Variants in DLGAP2 observed in about 807,000 individuals in gnomAD.
The protein encoded by DLGAP2 is disks large-associated protein 2.
DLGAP2 carries 26 observed loss-of-function variants against 100.3 expected under a neutral mutation model. The ratio of observed to expected loss-of-function variants is 0.26; its 90% confidence interval spans 0.19 to 0.36. The LOEUF is 0.36. Ranked by LOEUF, DLGAP2 falls within the 10% of genes least tolerant of loss-of-function variation. DLGAP2 has a pLI of 1.00. For missense variants in DLGAP2, 1,858 were observed against 1,453.2 expected (o/e 1.28, Z -4.53); for synonymous variants, 886 against 630.1 (o/e 1.41, Z -6.08).
chr8:1,416,801 C>T (rs943088134), intron 3 of DLGAP2, among the ~76,000 whole-genome samples: 2 of 152,178 alleles, frequency 1.3e-5, no homozygotes, highest in Admixed American at 6.5e-5. Context: ...TCGCGAGCAC[C>T]CGTGCCGGCC....
intron 3 of DLGAP2, among the ~76,000 whole-genome samples, chr8:1,320,549 C>A (rs1169185175): frequency 6.6e-6 from 1 of 152,170 alleles, no homozygotes; most frequent in African/African-American, 2.4e-5. Context: ...GATGTGATAA[C>A]CACCCCTGTG....
chr8:1,046,611 G>A (rs1433753136), intron 2 of DLGAP2, among the ~76,000 whole-genome samples: 3 of 152,212 alleles, frequency 2.0e-5, no homozygotes, highest in Non-Finnish European at 1.5e-5. Flanking sequence ...TAACCCAGAT[G>A]CTGTTGGAGA....
rs546558117 is a variant in DLGAP2 at position 1,078,394 on chromosome 8, C to T, written c.73+170428C>T. Among the ~76,000 whole-genome samples the T allele has an allele frequency of 1.3e-4, 20 of 152,232 alleles. No homozygotes were observed. The South Asian group carries it at 4.2e-3, about 32-fold the overall frequency. On this transcript the variant is annotated intron_variant, in intron 2 of 14. Coordinates refer to ENST00000637795, the MANE Select transcript of DLGAP2 (RefSeq NM_001346810.2). The stretch of plus-strand genomic sequence containing the variant: ...GGCACATTGGTTACCGTTGAGGAAC[C>T]AGTATTGATCCATGATTATTGATGG...
chr8:1,339,827 C>G (rs62486254), intron 3 of DLGAP2, among the ~76,000 whole-genome samples: 66,684 of 152,126 alleles, frequency 0.44, 17,745 homozygotes, highest in African/African-American at 0.75. Flanking sequence ...AAGGAATTCT[C>G]TAGGAGAAGC....
intron 2 of DLGAP2, among the ~76,000 whole-genome samples, chr8:962,574 T>C (rs1257518245): frequency 1.3e-5 from 2 of 152,078 alleles, no homozygotes; most frequent in African/African-American, 2.4e-5. Flanking sequence ...GAGACTCCTT[T>C]TGAGGTCACC....
chr8:1,680,266 TG>T (rs1339881714), intron 12 of DLGAP2, among the ~76,000 whole-genome samples: 24 of 152,234 alleles, frequency 1.6e-4, no homozygotes, highest in African/African-American at 5.3e-4. Flanking sequence ...CTGAGATCCT[TG>T]GGAATTTGTC....
chr8:1,575,059 T>C (rs1802910320), intron 6 of DLGAP2, among the ~76,000 whole-genome samples: 1 of 152,194 alleles, frequency 6.6e-6, no homozygotes, highest in South Asian at 2.1e-4. Context: ...TAGGTCATAA[T>C]AACGCACAAC....
chr8:1,380,983 A>G (rs1356895172), intron 3 of DLGAP2: 2 of 150,894 alleles, frequency 1.3e-5, no homozygotes, highest in Non-Finnish European at 2.9e-5. Flanking sequence ...CAAAAAGGAA[A>G]AAGGTTATTC....
At chr8:1,120,072 A>G (rs149933675) in intron 2 of DLGAP2, among the ~76,000 whole-genome samples, 3 of 152,340 alleles carry the variant, frequency 2.0e-5, no homozygotes, top group East Asian at 1.9e-4. Flanking sequence ...GAAAATCCCT[A>G]CTACATCTTA....
At chr8:1,110,230 C>G (rs1295134924) in intron 2 of DLGAP2, among the ~76,000 whole-genome samples, 1 of 109,614 alleles carries the variant, frequency 9.1e-6, no homozygotes, top group Non-Finnish European at 1.7e-5. Context: ...GGGTCTGTGA[C>G]GTGTGCTGGA....
intron 2 of DLGAP2, among the ~76,000 whole-genome samples, chr8:981,016 C>G (rs1401916730): frequency 6.6e-6 from 1 of 152,156 alleles, no homozygotes. Flanking sequence ...ACATTACCAT[C>G]TATTTCCGGA....
intron 3 of DLGAP2, among the ~76,000 whole-genome samples, chr8:1,275,856 A>ATATATAAATATATATAG: frequency 1.0e-5 from 1 of 95,560 alleles, no homozygotes; most frequent in South Asian, 2.8e-4. Context: ...AATATATATA[A>ATATATAAATATATATAG]TATATAAATA....
chr8:1,041,671 C>T (rs1269096412), intron 2 of DLGAP2, among the ~76,000 whole-genome samples: 1 of 76,734 alleles, frequency 1.3e-5, no homozygotes, highest in African/African-American at 5.8e-5. Flanking sequence ...TTCTCCGAGC[C>T]CCTTGCCGTG....
chr8:801,839 C>T (rs4735932), intron 1 of DLGAP2, among the ~76,000 whole-genome samples: 73,277 of 152,062 alleles, frequency 0.48, 19,097 homozygotes, highest in East Asian at 0.97. Context: ...TGCTCGCCAC[C>T]CAGGTGGCTG....
At chr8:1,674,575 G>A (rs563298319) in intron 10 of DLGAP2, among the ~76,000 whole-genome samples, 4 of 152,252 alleles carry the variant, frequency 2.6e-5, no homozygotes, top group South Asian at 2.1e-4. Context: ...TGATAAAAAC[G>A]AGTGTTCCTT....
At chr8:1,459,730 T>G (rs7014858) in intron 3 of DLGAP2, among the ~76,000 whole-genome samples, 76,997 of 145,124 alleles carry the variant, frequency 0.53, 21,059 homozygotes, top group East Asian at 0.87. Context: ...CTGTCACCCA[T>G]GCTGGAGTGC....
At chr8:1,476,621 C>T (rs767578183) in intron 3 of DLGAP2, among the ~76,000 whole-genome samples, 7 of 152,146 alleles carry the variant, frequency 4.6e-5, no homozygotes, top group Non-Finnish European at 1.5e-5. Flanking sequence ...GCCAGTCTCT[C>T]CCCCTCTCCT....
At chr8:1,252,373 GTGT>G (rs1296818836) in intron 2 of DLGAP2, among the ~76,000 whole-genome samples, 2 of 144,368 alleles carry the variant, frequency 1.4e-5, no homozygotes, top group Admixed American at 6.9e-5. Context: ...CCACACTGTG[GTGT>G]TGTCACATGG....
intron 1 of DLGAP2, among the ~76,000 whole-genome samples, chr8:862,768 A>G (rs1380958504): frequency 2.0e-5 from 3 of 152,208 alleles, no homozygotes; most frequent in African/African-American, 7.2e-5. Context: ...TTGAAGCCTC[A>G]GCTTTCAAAT....
Sources: allele counts gnomAD v4.1 joint callset (sites outside exome capture counted in the v4.1 genomes callset), GRCh38; gene constraint gnomAD v4.1.1; transcripts MANE v1.5; gene names NCBI Gene and HGNC (gene_info 2026-07-23, HGNC 2026-07-21).